The following RARB variants were observed in gnomAD, a reference collection of about 807,000 sequenced individuals.
RARB encodes the protein retinoic acid receptor beta.
RARB carries 17 observed loss-of-function variants against 51.9 expected under a neutral mutation model. That is an observed-to-expected ratio of 0.33 (90% CI 0.22 to 0.49). The LOEUF is 0.49. Among genes scored for constraint, RARB ranks in the 20% least tolerant of loss-of-function variants. RARB has a pLI of 0.99. For missense variants in RARB, 369 were observed against 550.8 expected (o/e 0.67, Z 3.30); for synonymous variants, 215 against 195.4 (o/e 1.10, Z -0.84).
intron 5 of RARB, among the ~76,000 whole-genome samples, chr3:25,327,016 T>A (rs1704739787): frequency 6.6e-6 from 1 of 150,582 alleles, no homozygotes; most frequent in Non-Finnish European, 1.5e-5. Context: ...CAGTCCCCGG[T>A]GTGTGATGTT....
intron 3 of RARB, among the ~76,000 whole-genome samples, chr3:25,073,270 G>C (rs1698806816): frequency 6.6e-6 from 1 of 152,150 alleles, no homozygotes; most frequent in Non-Finnish European, 1.5e-5. Context: ...GTGCAGTTCC[G>C]GTGTTCCCAC....
intron 5 of RARB, among the ~76,000 whole-genome samples, chr3:25,294,064 A>G (rs1703857411): frequency 6.6e-6 from 1 of 152,200 alleles, no homozygotes; most frequent in South Asian, 2.1e-4. Context: ...CGAAGGATTC[A>G]CCGAGGAAAA....
At chr3:25,170,444 C>T (rs938792954) in intron 4 of RARB, among the ~76,000 whole-genome samples, 1 of 152,168 alleles carries the variant, frequency 6.6e-6, no homozygotes, top group Non-Finnish European at 1.5e-5. Context: ...CAGTAGGTCT[C>T]TCCGGTGGGG....
chr3:25,561,312 C>A (rs1700259686), intron 3 of RARB, among the ~76,000 whole-genome samples: 1 of 152,126 alleles, frequency 6.6e-6, no homozygotes, highest in Non-Finnish European at 1.5e-5. Context: ...ATTCAAATAT[C>A]CTGTAGCATA....
At position 25,413,034 on chromosome 3, in the gene RARB, A is replaced by G. The variant is rs116818161; in HGVS notation, c.179-48159A>G. ...AATTCCATCTTGGGGGAAAAAAAAA[A>G]AAGAAGAAGAAGAAAGAAAAAATAT... On this transcript the variant is annotated intron_variant, in intron 5 of 11. Coordinates refer to the RARB transcript ENST00000383772. 4.7e-3 allele frequency among the ~76,000 whole-genome samples: 715 copies of G among 152,142 alleles called. 7 individuals are homozygous for G. Among genetic ancestry groups the G allele is most frequent in the African/African-American group, 0.016 (656 of 41,512 alleles).
chr3:25,161,877 C>A lies in RARB; in HGVS notation c.-279-12242C>A, dbSNP rs534522919. ...GGACCACGACCTAACCCTGGCAGAG[C>A]CCCCTGGATTATGAGAGCCTTCCAG... is the stretch of plus-strand genomic sequence containing the variant. On this transcript the variant is annotated intron_variant, in intron 4 of 11. Coordinates refer to the RARB transcript ENST00000383772. Among the ~76,000 whole-genome samples the A allele has an allele frequency of 2.0e-5, 3 of 152,296 alleles. No homozygotes were observed. The South Asian group carries it at 6.2e-4, about 32-fold the overall frequency.
At chr3:25,283,476 C>T (rs1444975175) in intron 5 of RARB, among the ~76,000 whole-genome samples, 1 of 152,194 alleles carries the variant, frequency 6.6e-6, no homozygotes, top group Admixed American at 6.5e-5. Flanking sequence ...TATCTCAACA[C>T]CAGTGCCACA....
chr3:24,962,790 A>G (rs1696170395), intron 2 of RARB, among the ~76,000 whole-genome samples: 1 of 152,208 alleles, frequency 6.6e-6, no homozygotes. Context: ...GGGTTGCTAC[A>G]CTAAATGATA....
intron 1 of RARB, among the ~76,000 whole-genome samples, chr3:25,442,964 G>GGGAGGCA (rs1241200289): frequency 1.3e-5 from 2 of 151,994 alleles, no homozygotes; most frequent in Non-Finnish European, 2.9e-5. Context: ...ACAAACTTCA[G>GGGAGGCA]GGAGGCAGAG....
chr3:24,966,638 C>CTCTCTCTCTG (rs1553618448), intron 2 of RARB, among the ~76,000 whole-genome samples: 3 of 150,578 alleles, frequency 2.0e-5, no homozygotes, highest in African/African-American at 7.4e-5. Context: ...CTCTCTCTCT[C>CTCTCTCTCTG]TCTCTCTGAA....
chr3:25,061,918 AG>A (rs975024160), intron 3 of RARB, among the ~76,000 whole-genome samples: 1 of 151,846 alleles, frequency 6.6e-6, no homozygotes, highest in African/African-American at 2.4e-5. Context: ...CACTGGCATA[AG>A]AGTAAAGAAT....
intron 2 of RARB, among the ~76,000 whole-genome samples, chr3:24,896,028 T>C (rs1444577819): frequency 1.3e-5 from 2 of 152,210 alleles, no homozygotes; most frequent in African/African-American, 4.8e-5. Flanking sequence ...TTGTTTGGCC[T>C]TAAATGGGAA....
At chr3:25,320,623 C>T (rs543009142) in intron 5 of RARB, among the ~76,000 whole-genome samples, 53 of 152,326 alleles carry the variant, frequency 3.5e-4, no homozygotes, top group African/African-American at 1.1e-3. Flanking sequence ...CTAAATGCTA[C>T]ATCTCATTTC....
At chr3:24,836,061 T>C (rs1160578499) in intron 1 of RARB, among the ~76,000 whole-genome samples, 1 of 152,304 alleles carries the variant, frequency 6.6e-6, no homozygotes, top group East Asian at 1.9e-4. Context: ...TTCAGGACAA[T>C]GCACTTTAAC....
At chr3:25,555,167 C>G (rs374100114) in intron 3 of RARB, among the ~76,000 whole-genome samples, 2 of 152,192 alleles carry the variant, frequency 1.3e-5, no homozygotes, top group Admixed American at 6.5e-5. Flanking sequence ...CAAATAGCTA[C>G]TCTAGCTTGT....
intron 2 of RARB, among the ~76,000 whole-genome samples, chr3:24,878,962 T>TA (rs1417050354): frequency 2.6e-5 from 4 of 152,206 alleles, no homozygotes; most frequent in African/African-American, 9.6e-5. Context: ...CATTAAAAAA[T>TA]AAAAATACTT....
intron 2 of RARB, among the ~76,000 whole-genome samples, chr3:24,879,475 A>T (rs1703113924): frequency 7.0e-6 from 1 of 142,312 alleles, no homozygotes; most frequent in African/African-American, 2.6e-5. Context: ...TCCAGCAGAA[A>T]GGATCTCCAT....
chr3:24,838,572 A>C (rs1024432015), intron 1 of RARB, among the ~76,000 whole-genome samples: 2 of 152,228 alleles, frequency 1.3e-5, no homozygotes. Context: ...GTTCTAGTAC[A>C]TCCTGTAATA....
At chr3:25,262,174 A>G (rs534087693) in intron 5 of RARB, among the ~76,000 whole-genome samples, 107 of 152,240 alleles carry the variant, frequency 7.0e-4, no homozygotes, top group African/African-American at 2.4e-3. Flanking sequence ...TGTTCACTGG[A>G]CCAGATCAAT....
Sources: allele counts gnomAD v4.1 joint callset (sites outside exome capture counted in the v4.1 genomes callset), GRCh38; gene constraint gnomAD v4.1.1; transcripts MANE v1.5; gene names NCBI Gene and HGNC (gene_info 2026-07-23, HGNC 2026-07-21).